The following COL22A1 variants were observed in gnomAD, a reference collection of about 807,000 sequenced individuals.
COL22A1 encodes the protein collagen alpha-1(XXII) chain.
A neutral mutation model predicts 248.9 loss-of-function variants in COL22A1; 221 were observed. The observed-to-expected ratio is 0.89, with a 90% CI of 0.80 to 0.99. The LOEUF is 0.99. Among genes scored for constraint, COL22A1 ranks in the 50% least tolerant of loss-of-function variants. The pLI is 0.00. For synonymous variants in COL22A1, 891 were observed against 793.4 expected (o/e 1.12, Z -2.07); for missense variants, 2,240 against 2,179.0 (o/e 1.03, Z -0.56).
At chr8:138,852,081 A>C (rs574197881) in intron 3 of COL22A1, among the ~76,000 whole-genome samples, 2 of 152,278 alleles carry the variant, frequency 1.3e-5, no homozygotes, top group South Asian at 4.2e-4. Flanking sequence ...GGTCTGGGAA[A>C]GGACCTGGAG....
At chr8:138,739,551 G>A (rs1394328740) in intron 22 of COL22A1, among the ~76,000 whole-genome samples, 1 of 152,166 alleles carries the variant, frequency 6.6e-6, no homozygotes, top group Non-Finnish European at 1.5e-5. Context: ...TTTATTGCAT[G>A]TCTACCCCTA....
intron 64 of COL22A1, among the ~76,000 whole-genome samples, chr8:138,590,569 A>T (rs1816957270): frequency 6.6e-6 from 1 of 151,946 alleles, no homozygotes; most frequent in African/African-American, 2.4e-5. Context: ...TATCTTATCT[A>T]ACAAAAATAA....
intron 23 of COL22A1, among the ~76,000 whole-genome samples, chr8:138,736,450 C>T (rs1356413810): frequency 1.3e-5 from 2 of 152,028 alleles, no homozygotes; most frequent in African/African-American, 2.4e-5. Context: ...TTTAGGGCCT[C>T]GGTCATGCAG....
intron 16 of COL22A1, among the ~76,000 whole-genome samples, chr8:138,767,749 A>T (rs1563735929): frequency 6.6e-6 from 1 of 152,160 alleles, no homozygotes; most frequent in Non-Finnish European, 1.5e-5. Flanking sequence ...GAGCCCCTCC[A>T]GGCCAAGGCC....
At chr8:138,747,367 AT>A (rs1006163157) in intron 22 of COL22A1, among the ~76,000 whole-genome samples, 2 of 152,142 alleles carry the variant, frequency 1.3e-5, no homozygotes, top group East Asian at 3.9e-4. Flanking sequence ...ATCACAAAAC[AT>A]TTTTTGAAAA....
chr8:138,777,023 C>T (rs1478095635), intron 15 of COL22A1, among the ~76,000 whole-genome samples: 3 of 152,306 alleles, frequency 2.0e-5, no homozygotes, highest in African/African-American at 4.8e-5. Context: ...ACAGCTCCTC[C>T]CCAGGCAGCA....
At chr8:138,715,826 AACAT>A in intron 29 of COL22A1, 91 bp from the exon 30 acceptor site, 1 of 901,016 alleles carries the variant, frequency 1.1e-6, no homozygotes, top group Non-Finnish European at 1.8e-6. Context: ...ACTTTGGAAA[AACAT>A]ACATGTATAT....
chr8:138,675,990 C>G (rs560438772), intron 41 of COL22A1, among the ~76,000 whole-genome samples: 1 of 152,324 alleles, frequency 6.6e-6, no homozygotes, highest in Admixed American at 6.5e-5. Context: ...AATCCTCAAC[C>G]TGAACGGGAA....
intron 1 of COL22A1, among the ~76,000 whole-genome samples, chr8:138,893,238 A>G (rs1825187659): frequency 6.6e-6 from 1 of 152,230 alleles, no homozygotes; most frequent in Non-Finnish European, 1.5e-5. Flanking sequence ...AGACACTGTC[A>G]CAGGTGTCTG....
intron 56 of COL22A1, among the ~76,000 whole-genome samples, chr8:138,611,547 C>T (rs1818865207): frequency 6.6e-6 from 1 of 152,228 alleles, no homozygotes; most frequent in Non-Finnish European, 1.5e-5. Flanking sequence ...CCTTTTTACA[C>T]ATTTTTTCCT....
chr8:138,856,817 A>G (rs1822066166), intron 3 of COL22A1, among the ~76,000 whole-genome samples: 1 of 152,140 alleles, frequency 6.6e-6, no homozygotes, highest in African/African-American at 2.4e-5. Flanking sequence ...CTTCTAGGGC[A>G]TACTGCCAGT....
intron 3 of COL22A1, among the ~76,000 whole-genome samples, chr8:138,849,686 T>C (rs970868803): frequency 1.3e-5 from 2 of 152,074 alleles, no homozygotes; most frequent in Non-Finnish European, 2.9e-5. Flanking sequence ...CTTTTAAGAG[T>C]CTTGACTTGT....
intron 40 of COL22A1, among the ~76,000 whole-genome samples, chr8:138,676,866 G>T (rs1185256776): frequency 6.6e-6 from 1 of 152,080 alleles, no homozygotes; most frequent in Admixed American, 6.6e-5. Flanking sequence ...GACCACTCCC[G>T]GACCAACCTT....
intron 5 of COL22A1, among the ~76,000 whole-genome samples, chr8:138,827,762 G>A (rs908428852): frequency 2.1e-5 from 3 of 143,046 alleles, no homozygotes; most frequent in African/African-American, 7.9e-5. Flanking sequence ...CTCTGTCCTC[G>A]GAGCACTCTC....
intron 47 of COL22A1, among the ~76,000 whole-genome samples, chr8:138,638,940 C>T (rs1032229158): frequency 5.3e-5 from 8 of 152,112 alleles, no homozygotes; most frequent in Non-Finnish European, 1.2e-4. Flanking sequence ...CCTACTCCAA[C>T]GTAGGTCAGG....
chr8:138,596,335 T>C (rs1817537568), intron 62 of COL22A1, among the ~76,000 whole-genome samples: 1 of 152,202 alleles, frequency 6.6e-6, no homozygotes, highest in South Asian at 2.1e-4. Context: ...TTCATACATG[T>C]TGCTCCATAG....
intron 12 of COL22A1, among the ~76,000 whole-genome samples, chr8:138,796,253 A>G (rs1384914067): frequency 6.6e-6 from 1 of 152,120 alleles, no homozygotes; most frequent in African/African-American, 2.4e-5. Context: ...AGGTAAAAGA[A>G]GGTGCAACAT....
chr8:138,594,270 TG>T, intron 62 of COL22A1, 71 bp from the exon 63 acceptor site: 2 of 1,405,574 alleles, frequency 1.4e-6, no homozygotes, highest in Non-Finnish European at 9.6e-7. Flanking sequence ...GGCTACTCAC[TG>T]ACAACTCAGA....
chr8:138,806,917 G>T (rs1197753738), intron 10 of COL22A1, among the ~76,000 whole-genome samples: 2 of 152,162 alleles, frequency 1.3e-5, no homozygotes, highest in Admixed American at 1.3e-4. Context: ...ACGAGACTCA[G>T]GCATGTGACG....
Sources: gnomAD v4.1 joint callset for allele counts (sites outside exome capture counted in the v4.1 genomes callset) on GRCh38, gnomAD v4.1.1 for gene constraint, MANE v1.5 for transcripts, NCBI Gene and HGNC (gene_info 2026-07-23, HGNC 2026-07-21) for gene names.